NFATC2: variants seen among roughly 807,000 people sequenced by gnomAD.
NFATC2 encodes nuclear factor of activated T-cells, cytoplasmic 2.
A neutral mutation model predicts 87.3 loss-of-function variants in NFATC2; 22 were observed. The ratio of observed to expected loss-of-function variants is 0.25; its 90% confidence interval spans 0.18 to 0.36. NFATC2 has a LOEUF of 0.36. Ranked by LOEUF, NFATC2 falls within the 10% of genes least tolerant of loss-of-function variation. NFATC2 has a pLI of 1.00. For missense variants in NFATC2, 1,149 were observed against 1,259.1 expected, an observed-to-expected ratio of 0.91 and a Z score of 1.32; for synonymous variants, 565 against 542.2, an observed-to-expected ratio of 1.04 and a Z score of -0.58.
At chr20:51,560,596 G>T (rs2077012848) in intron 1 of NFATC2, among the ~76,000 whole-genome samples, 2 of 152,178 alleles carry the variant, frequency 1.3e-5, no homozygotes, top group Admixed American at 1.3e-4. Flanking sequence ...GGGCATAGTG[G>T]GAGCATTTGG....
intron 10 of NFATC2, among the ~76,000 whole-genome samples, chr20:51,398,096 AACCAAGTAGC>A (rs1367063728): frequency 6.6e-6 from 1 of 152,138 alleles, no homozygotes; most frequent in Non-Finnish European, 1.5e-5. Context: ...CAAATCCAGA[AACCAAGTAGC>A]AGAATCCTGC....
intron 5 of NFATC2, among the ~76,000 whole-genome samples, chr20:51,471,034 T>C (rs997309392): frequency 6.6e-6 from 1 of 152,230 alleles, no homozygotes; most frequent in African/African-American, 2.4e-5. Flanking sequence ...CTCAGTTTCC[T>C]TCTCTGTCAA....
At chr20:51,435,588 C>T (rs1170151562) in intron 7 of NFATC2, 118 bp downstream of exon 7, 5 of 1,107,106 alleles carry the variant, frequency 4.5e-6, no homozygotes, top group African/African-American at 1.6e-5. Context: ...ATATTGAGTA[C>T]CTGTTAGGTC....
rs148091996 is a variant in NFATC2, at chr20:51,556,226, T to C, written c.70+6334A>G. ...AGGGAGAGCATGGCCCTGTGACACC[T>C]TGATTCAAACTTCCGGCCTCTAGAA... On this transcript the variant is annotated intron_variant, in intron 1 of 10. Transcript: ENST00000414705. 3.3e-5 allele frequency among the ~76,000 whole-genome samples: 5 copies of C among 152,286 alleles called. No homozygotes were observed. In the East Asian group the frequency reaches 7.7e-4, roughly 24 times the overall value.
At chr20:51,413,030 A>G (rs1979510151) in intron 9 of NFATC2, among the ~76,000 whole-genome samples, 1 of 133,542 alleles carries the variant, frequency 7.5e-6, no homozygotes. Flanking sequence ...CATGGAGCCG[A>G]GTACAGTGTC....
chr20:51,543,712 TTTAA>T (rs1011657017), upstream of NFATC2, among the ~76,000 whole-genome samples: 1 of 152,182 alleles, frequency 6.6e-6, no homozygotes, highest in Non-Finnish European at 1.5e-5. Flanking sequence ...AATGTGTATT[TTTAA>T]TTAAGCACCC....
intron 5 of NFATC2, among the ~76,000 whole-genome samples, chr20:51,466,807 C>G (rs1987728521): frequency 6.6e-6 from 1 of 152,198 alleles, no homozygotes; most frequent in Non-Finnish European, 1.5e-5. Context: ...CGCAGTGGCT[C>G]ACGTCTGTAA....
intron 1 of NFATC2, among the ~76,000 whole-genome samples, chr20:51,561,495 GCAAGCAAGCAA>G (rs2077031554): frequency 4.5e-5 from 5 of 110,968 alleles, no homozygotes; most frequent in Non-Finnish European, 7.6e-5. Context: ...AAGCAAGCAA[GCAAGCAAGCAA>G]GCAAGCAAGC....
At chr20:51,400,413 TTC>T (rs573587702) in intron 9 of NFATC2, among the ~76,000 whole-genome samples, 2 of 146,352 alleles carry the variant, frequency 1.4e-5, no homozygotes, top group African/African-American at 5.1e-5. Context: ...AGAACACGAG[TTC>T]TCTCTCCAAA....
intron 6 of NFATC2, among the ~76,000 whole-genome samples, chr20:51,437,112 C>CAAA (rs3029278): frequency 2.3e-5 from 3 of 130,754 alleles, no homozygotes; most frequent in African/African-American, 9.2e-5. Flanking sequence ...GAAGTTGGGC[C>CAAA]AAAAAAAAAA....
chr20:51,494,502 C>T (rs1322563370), intron 3 of NFATC2, among the ~76,000 whole-genome samples: 1 of 152,214 alleles, frequency 6.6e-6, no homozygotes, highest in African/African-American at 2.4e-5. Context: ...AGGCCCTTTT[C>T]TTCTGCTACT....
chr20:51,561,533 G>T (rs2077032439), intron 1 of NFATC2, among the ~76,000 whole-genome samples: 2 of 144,172 alleles, frequency 1.4e-5, no homozygotes, highest in Non-Finnish European at 3.1e-5. Flanking sequence ...GCAAGCAAAA[G>T]CCTCTCAGGT....
intron 1 of NFATC2, among the ~76,000 whole-genome samples, chr20:51,553,217 AT>A (rs1027158245): frequency 6.6e-6 from 1 of 151,812 alleles, no homozygotes; most frequent in Non-Finnish European, 1.5e-5. Context: ...TTCCTCATTC[AT>A]TTGTTCCACC....
Position 51,396,226 on chromosome 20 carries a change from A to G in NFATC2, c.*44+2417T>C, listed in dbSNP as rs79574322. Among the ~76,000 whole-genome samples, 1,517 of 151,962 alleles carry G rather than the reference A, an allele frequency of 1.0e-2. 32 individuals carry two copies. Among genetic ancestry groups the G allele is most frequent in the African/African-American group, 0.035 (1,471 of 41,438 alleles). On this transcript the variant is annotated intron_variant, in intron 10 of 10. Coordinates refer to ENST00000371564, the MANE Select transcript of NFATC2 (RefSeq NM_012340.5). The stretch of plus-strand genomic sequence containing the variant: ...GACTTCTGTTAGTATCCCATTCTGC[A>G]CTAGGAATTTTCTGTTTTGCTAAAA...
intron 2 of NFATC2, among the ~76,000 whole-genome samples, chr20:51,522,443 C>G (rs1484730295): frequency 6.6e-6 from 1 of 152,180 alleles, no homozygotes; most frequent in Non-Finnish European, 1.5e-5. Context: ...CCCGTGTTCA[C>G]TCAGGTAGTG....
chr20:51,485,120 G>A (rs992133913), intron 3 of NFATC2, among the ~76,000 whole-genome samples: 3 of 152,188 alleles, frequency 2.0e-5, no homozygotes, highest in African/African-American at 7.2e-5. Flanking sequence ...AAACATGCTA[G>A]ATTTGTTTCC....
intron 1 of NFATC2, among the ~76,000 whole-genome samples, chr20:51,532,329 A>G (rs1256860313): frequency 6.6e-6 from 1 of 152,012 alleles, no homozygotes; most frequent in Non-Finnish European, 1.5e-5. Context: ...CCACCCCCCT[A>G]ACCACTACTT....
intron 5 of NFATC2, among the ~76,000 whole-genome samples, chr20:51,467,338 C>G (rs566542376): frequency 6.6e-6 from 1 of 152,164 alleles, no homozygotes; most frequent in South Asian, 2.1e-4. Flanking sequence ...AGGTGGATCA[C>G]CTGAGGTCAG....
intron 3 of NFATC2, among the ~76,000 whole-genome samples, chr20:51,498,971 G>A (rs569069075): frequency 8.5e-4 from 130 of 152,332 alleles, no homozygotes; most frequent in Non-Finnish European, 1.4e-3. Flanking sequence ...CCTGAGGCAG[G>A]AGCCTACCTG....
Sources: gnomAD v4.1 joint callset for allele counts (sites outside exome capture counted in the v4.1 genomes callset) on GRCh38, gnomAD v4.1.1 for gene constraint, MANE v1.5 for transcripts, NCBI Gene and HGNC (gene_info 2026-07-23, HGNC 2026-07-21) for gene names.